FGF12: variants seen among roughly 807,000 people sequenced by gnomAD.
FGF12 encodes the protein fibroblast growth factor 12B.
A neutral mutation model predicts 23.6 loss-of-function variants in FGF12; 14 were observed. That is an observed-to-expected ratio of 0.59 (90% CI 0.39 to 0.93). The LOEUF (loss-of-function observed/expected upper bound fraction) is 0.93, where lower values mean the gene tolerates loss of function less well. FGF12 is among the 40% of genes least tolerant of loss of function. The pLI is 0.00. For missense variants in FGF12, 175 were observed against 217.8 expected (o/e 0.80, Z 1.24); for synonymous variants, 62 against 77.3 (o/e 0.80, Z 1.04).
At chr3:192,236,998 C>A (rs1719335559) in intron 4 of FGF12, among the ~76,000 whole-genome samples, 1 of 152,038 alleles carries the variant, frequency 6.6e-6, no homozygotes, top group Non-Finnish European at 1.5e-5. Flanking sequence ...ATTTAGCACT[C>A]TTTTAAGAAT....
At chr3:192,167,136 C>G (rs1055644146) in intron 5 of FGF12, among the ~76,000 whole-genome samples, 17 of 120,658 alleles carry the variant, frequency 1.4e-4, no homozygotes, top group Non-Finnish European at 2.4e-4. Context: ...CCCCTAGTCA[C>G]AGAACATTTA....
intron 2 of FGF12, among the ~76,000 whole-genome samples, chr3:192,411,858 A>G (rs761293924): frequency 1.3e-5 from 2 of 152,224 alleles, no homozygotes; most frequent in Non-Finnish European, 2.9e-5. Context: ...TATTCTCAAA[A>G]TGGGGATAAT....
chr3:192,471,973 CA>C (rs112316947), intron 2 of FGF12, among the ~76,000 whole-genome samples: 1 of 151,758 alleles, frequency 6.6e-6, no homozygotes, highest in East Asian at 1.9e-4. Context: ...CTGATTAAAA[CA>C]AAAAAAGCCT....
chr3:192,620,366 G>T (rs914173043), intron 2 of FGF12, among the ~76,000 whole-genome samples: 14 of 152,096 alleles, frequency 9.2e-5, no homozygotes, highest in African/African-American at 3.1e-4. Flanking sequence ...AGTAATCGGA[G>T]AGTTTGCCAA....
intron 2 of FGF12, among the ~76,000 whole-genome samples, chr3:192,468,348 T>C (rs1428982548): frequency 6.6e-6 from 1 of 152,248 alleles, no homozygotes; most frequent in Non-Finnish European, 1.5e-5. Context: ...GTCCATTTGT[T>C]ATTTCAGAAT....
chr3:192,282,243 G>A (rs1176637589), intron 4 of FGF12, among the ~76,000 whole-genome samples: 5 of 152,122 alleles, frequency 3.3e-5, no homozygotes, highest in African/African-American at 1.2e-4. Context: ...CTGGTACATA[G>A]TAGGTACTCA....
chr3:192,337,881 T>TTGG (rs1717495825), intron 3 of FGF12, among the ~76,000 whole-genome samples: 1 of 152,184 alleles, frequency 6.6e-6, no homozygotes, highest in Admixed American at 6.5e-5. Context: ...ATTCAGCAGA[T>TTGG]TGCTTTAAAG....
At chr3:192,606,072 A>G (rs1408626568) in intron 2 of FGF12, among the ~76,000 whole-genome samples, 1 of 152,218 alleles carries the variant, frequency 6.6e-6, no homozygotes, top group Non-Finnish European at 1.5e-5. Flanking sequence ...ATGCACTCAT[A>G]TATGTTCATC....
intron 2 of FGF12, among the ~76,000 whole-genome samples, chr3:192,489,226 G>C (rs530423412): frequency 6.6e-6 from 1 of 151,904 alleles, no homozygotes; most frequent in South Asian, 2.1e-4. Flanking sequence ...AATAAAAAGA[G>C]CAAAAATACT....
chr3:192,326,890 T>C (rs550439808), intron 4 of FGF12, among the ~76,000 whole-genome samples: 3 of 152,336 alleles, frequency 2.0e-5, no homozygotes, highest in East Asian at 3.9e-4. Context: ...TTCCCAGGCA[T>C]ACTTTTGTCA....
chr3:192,150,658 C>A (rs1403667569), intron 5 of FGF12, among the ~76,000 whole-genome samples: 1 of 150,368 alleles, frequency 6.7e-6, no homozygotes, highest in Non-Finnish European at 1.5e-5. Flanking sequence ...GGGCTCTATT[C>A]TGTTCCATTG....
At chr3:192,634,482 A>C (rs1715508125) in intron 2 of FGF12, among the ~76,000 whole-genome samples, 1 of 152,184 alleles carries the variant, frequency 6.6e-6, no homozygotes, top group African/African-American at 2.4e-5. Flanking sequence ...ATTTTACATA[A>C]AGGACTTGCG....
chr3:192,558,019 A>T (rs1157781046), intron 2 of FGF12, among the ~76,000 whole-genome samples: 1 of 151,880 alleles, frequency 6.6e-6, no homozygotes, highest in Non-Finnish European at 1.5e-5. Flanking sequence ...GAAGGCAAAA[A>T]TGCACAGTCT....
intron 4 of FGF12, among the ~76,000 whole-genome samples, chr3:192,203,814 GGCTGGT>G (rs1463621572): frequency 6.6e-6 from 1 of 151,986 alleles, no homozygotes; most frequent in African/African-American, 2.4e-5. Context: ...ATGTTGCCCA[GGCTGGT>G]CTTGAACTTT....
chr3:192,540,764 GTCTA>G (rs1725345375), intron 2 of FGF12, among the ~76,000 whole-genome samples: 1 of 152,132 alleles, frequency 6.6e-6, no homozygotes, highest in African/African-American at 2.4e-5. Context: ...TTATGTTGGA[GTCTA>G]TCTTTCTCTT....
At chr3:192,213,078 C>T (rs945520734) in intron 4 of FGF12, among the ~76,000 whole-genome samples, 1 of 152,234 alleles carries the variant, frequency 6.6e-6, no homozygotes, top group African/African-American at 2.4e-5. Context: ...TTATCAATGT[C>T]TACAGTTCTG....
At chr3:192,571,426 C>G (rs1214702064) in intron 2 of FGF12, among the ~76,000 whole-genome samples, 1 of 152,248 alleles carries the variant, frequency 6.6e-6, no homozygotes, top group Non-Finnish European at 1.5e-5. Flanking sequence ...AAAACTGACT[C>G]ATGCAGTACC....
intron 2 of FGF12, among the ~76,000 whole-genome samples, chr3:192,678,878 G>T (rs1185965507): frequency 6.6e-6 from 1 of 152,110 alleles, no homozygotes; most frequent in Non-Finnish European, 1.5e-5. Context: ...ATTCACTCCA[G>T]AGCAGTGGTT....
intron 2 of FGF12, among the ~76,000 whole-genome samples, chr3:192,616,449 T>C (rs750956258): frequency 5.3e-5 from 8 of 152,032 alleles, no homozygotes; most frequent in Non-Finnish European, 1.0e-4. Context: ...AGATTTATTA[T>C]GATTCCTAAG....
Sources: allele counts gnomAD v4.1 joint callset (sites outside exome capture counted in the v4.1 genomes callset), GRCh38; gene constraint gnomAD v4.1.1; transcripts MANE v1.5; gene names NCBI Gene and HGNC (gene_info 2026-07-23, HGNC 2026-07-21).